CAPS2: variants seen among roughly 807,000 people sequenced by gnomAD.
The protein encoded by CAPS2 is calcyphosine 2, also known as calcyphosin-2.
CAPS2 carries 98 observed loss-of-function variants against 86.5 expected under a neutral mutation model. The ratio of observed to expected loss-of-function variants is 1.13; its 90% CI spans 0.96 to 1.34. CAPS2 has a LOEUF of 1.34. CAPS2 is among the 40% of genes most tolerant of loss of function. CAPS2 has a pLI of 0.00. For missense variants in CAPS2, 729 were observed against 686.8 expected (o/e 1.06, Z -0.69); for synonymous variants, 210 against 225.1 (o/e 0.93, Z 0.60).
At chr12:75,284,974 G>A in exon 15 of CAPS2, 2 of 1,601,580 alleles carry the variant, frequency 1.2e-6, no homozygotes, top group Non-Finnish European at 1.7e-6. Context: ...TCGAACATAT[G>A]ATTTCCTGTA....
chr12:75,289,684 T>C, exon 14 of CAPS2: 1 of 1,613,370 alleles, frequency 6.2e-7, no homozygotes, highest in Non-Finnish European at 8.5e-7. Context: ...TATCTAAAAG[T>C]CCATTTCCTT....
intron 15 of CAPS2, among the ~76,000 whole-genome samples, chr12:75,282,867 A>G (rs528093485): frequency 2.3e-4 from 35 of 152,292 alleles, no homozygotes; most frequent in East Asian, 9.7e-4. Flanking sequence ...TCTGTACTCA[A>G]TTAGAAAGTT....
At position 75,289,727 on chromosome 12, in the gene CAPS2, C is replaced by G. The variant is rs765196232; in HGVS notation, c.1289G>C (p.Gly430Ala). ...CAACTGTTGAAAATATTTTCCCAAT[C>G]CAGTCAAAATACGAACACCTCTTTT... Residue 430 changes from glycine (G) to alanine (A), a missense_variant, in exon 14 of 17, where the codon GGA becomes GCA. Physicochemically the swap from Gly to Ala is moderately conservative, Grantham distance 60. Coordinates refer to ENST00000393284, the Ensembl canonical transcript of CAPS2. 37 of 1,612,644 alleles carry G rather than the reference C, an allele frequency of 2.3e-5. No homozygotes were observed. In the African/African-American group the frequency reaches 4.1e-4, roughly 18 times the overall value.
chr12:75,291,462 A>G (rs2035835977), intron 13 of CAPS2, among the ~76,000 whole-genome samples: 1 of 117,662 alleles, frequency 8.5e-6, no homozygotes, highest in Non-Finnish European at 1.7e-5. Flanking sequence ...AACGTTTAGA[A>G]ATCCTAAACA....
At chr12:75,388,195 T>C (rs1351754683) in intron 1 of CAPS2, among the ~76,000 whole-genome samples, 1 of 152,180 alleles carries the variant, frequency 6.6e-6, no homozygotes, top group Non-Finnish European at 1.5e-5. Context: ...CCCCTGCACA[T>C]GGTCTCTTGG....
intron 7 of CAPS2, among the ~76,000 whole-genome samples, chr12:75,308,764 T>C (rs1193977467): frequency 6.6e-6 from 1 of 151,518 alleles, no homozygotes; most frequent in African/African-American, 2.4e-5. Context: ...AAGGGGTGAC[T>C]GAGCAAGAAG....
At chr12:75,304,498 T>A (rs1377161296) in intron 8 of CAPS2, among the ~76,000 whole-genome samples, 3 of 152,200 alleles carry the variant, frequency 2.0e-5, no homozygotes, top group Admixed American at 2.0e-4. Flanking sequence ...CATTTTCACA[T>A]CCATTATCTC....
intron 8 of CAPS2, among the ~76,000 whole-genome samples, chr12:75,300,624 G>C (rs2138571453): frequency 6.6e-6 from 1 of 150,752 alleles, no homozygotes; most frequent in Non-Finnish European, 1.5e-5. Flanking sequence ...GATGAGTAAG[G>C]GACCTAGTTC....
chr12:75,288,800 C>T (rs2035345587), intron 14 of CAPS2, among the ~76,000 whole-genome samples: 1 of 152,024 alleles, frequency 6.6e-6, no homozygotes, highest in South Asian at 2.1e-4. Flanking sequence ...AGAGCAGGAA[C>T]ACAAAAACAC....
At chr12:75,306,394 C>G (rs1028885546) in intron 7 of CAPS2, 1 of 413,168 alleles carries the variant, frequency 2.4e-6, no homozygotes, top group Non-Finnish European at 4.5e-6. Context: ...TGGTTTCTGA[C>G]CCTCACCAGG....
At chr12:75,364,561 T>A (rs1054218704) in intron 1 of CAPS2, among the ~76,000 whole-genome samples, 2 of 152,202 alleles carry the variant, frequency 1.3e-5, no homozygotes, top group Non-Finnish European at 2.9e-5. Context: ...AGGCATTCAT[T>A]AACTGTTAAA....
At chr12:75,277,992 A>G (rs2033216597) in exon 17 of CAPS2, 1 of 888,454 alleles carries the variant, frequency 1.1e-6, no homozygotes, top group Non-Finnish European at 1.3e-6. Context: ...ATTTTAGGAT[A>G]CAAAATATGC....
At chr12:75,364,223 T>C (rs545668502) in intron 1 of CAPS2, among the ~76,000 whole-genome samples, 1 of 152,338 alleles carries the variant, frequency 6.6e-6, no homozygotes, top group East Asian at 1.9e-4. Flanking sequence ...ATGAGACATG[T>C]CTGACCTCCC....
At chr12:75,328,289 C>T (rs1260854671), upstream of CAPS2, among the ~76,000 whole-genome samples, 1 of 152,202 alleles carries the variant, frequency 6.6e-6, no homozygotes, top group Non-Finnish European at 1.5e-5. Flanking sequence ...AAGTGATTTT[C>T]TCCACACATC....
At chr12:75,357,439 T>C (rs944706563) in intron 1 of CAPS2, among the ~76,000 whole-genome samples, 10 of 152,058 alleles carry the variant, frequency 6.6e-5, no homozygotes, top group African/African-American at 2.4e-4. Flanking sequence ...ATTATCCCAT[T>C]TGATAAAAGG....
intron 11 of CAPS2, among the ~76,000 whole-genome samples, chr12:75,297,768 A>G (rs1269722985): frequency 6.6e-6 from 1 of 152,148 alleles, no homozygotes; most frequent in East Asian, 1.9e-4. Context: ...AGTTCTCCAA[A>G]TAAGTCATGT....
chr12:75,313,562 T>A (rs1029194643), intron 6 of CAPS2, among the ~76,000 whole-genome samples: 1 of 152,236 alleles, frequency 6.6e-6, no homozygotes, highest in Non-Finnish European at 1.5e-5. Flanking sequence ...ATTTTTTAGG[T>A]CATATCTAAC....
At chr12:75,333,445 T>C (rs1486806626), upstream of CAPS2, among the ~76,000 whole-genome samples, 1 of 151,546 alleles carries the variant, frequency 6.6e-6, no homozygotes, top group African/African-American at 2.4e-5. Flanking sequence ...CACACACACA[T>C]ATACACACAC....
At chr12:75,372,726 G>T (rs772726423) in intron 1 of CAPS2, among the ~76,000 whole-genome samples, 40 of 152,264 alleles carry the variant, frequency 2.6e-4, no homozygotes, top group Non-Finnish European at 4.7e-4. Flanking sequence ...GCGTAATTAT[G>T]ACTTCAAAAG....
Sources: allele counts gnomAD v4.1 joint callset (sites outside exome capture counted in the v4.1 genomes callset), GRCh38; gene constraint gnomAD v4.1.1; transcripts MANE v1.5; gene names NCBI Gene and HGNC (gene_info 2026-07-23, HGNC 2026-07-21).